The following GABRA5 variants were observed in gnomAD, a reference collection of about 807,000 sequenced individuals.
GABRA5 encodes the protein gamma-aminobutyric acid receptor subunit alpha-5.
In GABRA5, 18 loss-of-function variants were observed where a neutral mutation model predicts 47.3. That is an observed-to-expected ratio of 0.38 (90% confidence interval 0.26 to 0.56). The LOEUF is 0.56. GABRA5 is among the 20% of genes least tolerant of loss of function. The pLI is 0.71. For synonymous variants in GABRA5, 237 were observed against 229.3 expected (o/e 1.03, Z -0.30); for missense variants, 365 against 599.3 (o/e 0.61, Z 4.08).
chr15:26,924,918 T>G (rs2140303194), intron 7 of GABRA5, among the ~76,000 whole-genome samples: 1 of 152,316 alleles, frequency 6.6e-6, no homozygotes, highest in Non-Finnish European at 1.5e-5. Flanking sequence ...CAGTCACCAC[T>G]AGGCCATCCC....
Position 26,897,356 on chromosome 15 carries a change from A to G in GABRA5, c.497+13799A>G, listed in dbSNP as rs536344535. On this transcript the variant is annotated intron_variant, in intron 6 of 10. Transcript: ENST00000335625. ...CACGGGCACCCACAGAAGGAAGACC[A>G]TGCGAGGACACAGGGAGAGGACAGC... 1.4e-4 allele frequency among the ~76,000 whole-genome samples: 21 copies of G among 152,332 alleles called. No individual in the cohort carries two copies. The South Asian group carries it at 4.3e-3, about 32-fold the overall frequency.
At chr15:26,933,328 C>T (rs17561681) in intron 7 of GABRA5, among the ~76,000 whole-genome samples, 6,004 of 152,182 alleles carry the variant, frequency 0.039, 171 homozygotes, top group Middle Eastern at 0.075. Flanking sequence ...GACCAGATGA[C>T]TTGGGAAATA....
At chr15:26,929,998 T>C (rs369494926) in intron 7 of GABRA5, among the ~76,000 whole-genome samples, 3 of 127,774 alleles carry the variant, frequency 2.3e-5, no homozygotes, top group Non-Finnish European at 4.9e-5. Flanking sequence ...CTTCTTCTTC[T>C]TCTTCTTCTT....
At chr15:26,871,244 A>G (rs1207329895) in intron 3 of GABRA5, among the ~76,000 whole-genome samples, 1 of 152,232 alleles carries the variant, frequency 6.6e-6, no homozygotes, top group African/African-American at 2.4e-5. Flanking sequence ...AATCTTAGCC[A>G]AATGTATTAT....
At position 26,940,346 on chromosome 15, in the gene GABRA5, C is replaced by A. The variant is rs531213285; in HGVS notation, c.877+269C>A. On this transcript the variant is annotated intron_variant, in intron 9 of 10. Coordinates refer to ENST00000335625, the MANE Select transcript of GABRA5 (RefSeq NM_000810.4). Reference sequence around the variant, plus strand: ...TTTTTGTGTGGTTTGACATTGCCAGCATGTATCTGTTTTATGTGAGATTTT... The same window carrying A: ...TTTTTGTGTGGTTTGACATTGCCAGAATGTATCTGTTTTATGTGAGATTTT... 1.3e-4 allele frequency among the ~76,000 whole-genome samples: 20 copies of A among 152,286 alleles called. No homozygotes were observed. The South Asian group carries it at 4.1e-3, about 32-fold the overall frequency.
chr15:26,881,130 T>C (rs2140253017), intron 4 of GABRA5, among the ~76,000 whole-genome samples, 163 bp downstream of exon 4: 1 of 152,244 alleles, frequency 6.6e-6, no homozygotes, highest in African/African-American at 2.4e-5. Flanking sequence ...ATGCACCCTT[T>C]GTTATTGTCT....
intron 6 of GABRA5, among the ~76,000 whole-genome samples, chr15:26,885,024 C>T (rs148635818): frequency 2.0e-5 from 3 of 152,058 alleles, no homozygotes; most frequent in South Asian, 2.1e-4. Flanking sequence ...GGGCCAGGCA[C>T]GGTGGCTCAC....
In GABRA5 at chr15:26,934,226, T is replaced by G. The variant is rs374394861; in HGVS notation, c.581-2959T>G. Among the ~76,000 whole-genome samples the G allele has an allele frequency of 7.5e-5, 10 of 133,976 alleles. No homozygotes were observed. The South Asian group carries it at 1.9e-3, about 25-fold the overall frequency. The allele number at this position is 133,976 out of a possible 152,430, so 87.9% of individuals were successfully genotyped here. A position where few individuals can be genotyped will look rare whatever the true frequency, so the allele number is the denominator to read the frequency against. On this transcript the variant is annotated intron_variant, in intron 7 of 10. Coordinates refer to ENST00000335625, the MANE Select transcript of GABRA5 (RefSeq NM_000810.4). Reference sequence around the variant, plus strand: ...AAGATCGTGCCACTGCACTCCAGCCTGGGTGATAGAAAGAGAATGTTTAAA... The same window carrying G: ...AAGATCGTGCCACTGCACTCCAGCCGGGGTGATAGAAAGAGAATGTTTAAA...
At chr15:26,880,717 G>A in intron 3 of GABRA5, 129 bp from the exon 4 acceptor site, 1 of 863,714 alleles carries the variant, frequency 1.2e-6, no homozygotes, top group South Asian at 1.7e-5. Context: ...TAGGCACTAT[G>A]GGAGCTGTGT....
At chr15:26,885,100 T>C (rs1395058756) in intron 6 of GABRA5, among the ~76,000 whole-genome samples, 1 of 151,838 alleles carries the variant, frequency 6.6e-6, no homozygotes, top group East Asian at 1.9e-4. Context: ...ATCGAGACCA[T>C]CCTGGCTAAC....
chr15:26,915,980 T>C (rs1893708550), intron 7 of GABRA5, among the ~76,000 whole-genome samples: 1 of 152,196 alleles, frequency 6.6e-6, no homozygotes, highest in African/African-American at 2.4e-5. Flanking sequence ...TATTTATAGC[T>C]TCTTGACAGG....
At chr15:26,896,036 G>A (rs550324809) in intron 6 of GABRA5, among the ~76,000 whole-genome samples, 1 of 151,936 alleles carries the variant, frequency 6.6e-6, no homozygotes, top group Non-Finnish European at 1.5e-5. Context: ...TCTTCCTCCG[G>A]GTTATCAGTG....
intron 4 of GABRA5, among the ~76,000 whole-genome samples, chr15:26,882,204 T>A (rs1892744990): frequency 6.6e-6 from 1 of 152,120 alleles, no homozygotes; most frequent in Non-Finnish European, 1.5e-5. Flanking sequence ...GTGCTTGTGG[T>A]ATTCTCTCAT....
intron 7 of GABRA5, among the ~76,000 whole-genome samples, chr15:26,919,043 T>A (rs541770225): frequency 2.6e-5 from 4 of 152,170 alleles, no homozygotes; most frequent in African/African-American, 9.6e-5. Flanking sequence ...TTTGGGAGGA[T>A]GAGGCAGAAG....
chr15:26,930,767 C>T (rs577610305), intron 7 of GABRA5, among the ~76,000 whole-genome samples: 131 of 152,252 alleles, frequency 8.6e-4, no homozygotes, highest in African/African-American at 2.8e-3. Flanking sequence ...CCAGCCTCTA[C>T]CCATAACCTG....
intron 6 of GABRA5, among the ~76,000 whole-genome samples, chr15:26,911,388 C>CACAAACACACACAA (rs1555391757): frequency 1.4e-5 from 2 of 146,652 alleles, no homozygotes; most frequent in South Asian, 2.2e-4. Context: ...CACACACACA[C>CACAAACACACACAA]ACACACACAA....
chr15:26,878,543 G>A (rs919351302), intron 3 of GABRA5, among the ~76,000 whole-genome samples: 4 of 152,016 alleles, frequency 2.6e-5, no homozygotes, highest in Admixed American at 6.5e-5. Flanking sequence ...CTCCTACCCC[G>A]ATAGGCATCA....
At chr15:26,905,144 T>C (rs928857138) in intron 6 of GABRA5, among the ~76,000 whole-genome samples, 3 of 152,158 alleles carry the variant, frequency 2.0e-5, no homozygotes, top group African/African-American at 7.2e-5. Context: ...CAGTACATAG[T>C]TTGTTGAGAG....
At chr15:26,916,254 TATTA>T (rs1175500157) in intron 7 of GABRA5, among the ~76,000 whole-genome samples, 1 of 152,200 alleles carries the variant, frequency 6.6e-6, no homozygotes, top group African/African-American at 2.4e-5. Flanking sequence ...TTTCTCCAAG[TATTA>T]ATTTTTTTAC....
Sources: allele counts gnomAD v4.1 joint callset (sites outside exome capture counted in the v4.1 genomes callset), GRCh38; gene constraint gnomAD v4.1.1; transcripts MANE v1.5; gene names NCBI Gene and HGNC (gene_info 2026-07-23, HGNC 2026-07-21).